Variants in NRDE2 observed in about 807,000 individuals in gnomAD.
The protein encoded by NRDE2 is NRDE-2, necessary for RNA interference, domain containing.
In NRDE2, 76 loss-of-function variants were observed where a neutral mutation model predicts 124.2. That is an observed-to-expected ratio of 0.61 (90% CI 0.51 to 0.74). The LOEUF (loss-of-function observed/expected upper bound fraction) is 0.74, where lower values mean the gene tolerates loss of function less well. NRDE2 is among the 30% of genes least tolerant of loss of function. NRDE2 has a pLI of 0.00. For missense variants in NRDE2, 1,314 were observed against 1,417.3 expected, an observed-to-expected ratio of 0.93 and a Z score of 1.17; for synonymous variants, 489 against 528.1, an observed-to-expected ratio of 0.93 and a Z score of 1.01.
In NRDE2 at chr14:90,292,891, T is replaced by C; in HGVS notation, c.1667-19A>G. On this transcript the variant is annotated intron_variant, in intron 8 of 13. Transcript: ENST00000354366. ...TCCTCATCTAGACAAGAATGAGACT[T>C]CTTCACCTCATCAGCAAATAAAACC... 1.2e-6 allele frequency: 2 copies of C among 1,602,228 alleles called. No homozygotes were observed. Among genetic ancestry groups the C allele is most frequent in the Non-Finnish European group, 1.7e-6 (2 of 1,170,542 alleles).
rs1326097151 is a variant in NRDE2, at chr14:90,302,818, T to C, written c.1313A>G (p.His438Arg). 1.2e-6 allele frequency: 2 copies of C among 1,614,080 alleles called. No individual in the cohort carries two copies. Among genetic ancestry groups the C allele is most frequent in the African/African-American group, 2.7e-5 (2 of 74,944 alleles). ...QFSTFSISKI[H>R]SLYGKCLSTL... Reference sequence around the variant, plus strand: ...GCTCAAGCATTTTCCATAAAGACTGTGAATTTTTGATATCGAAAAGGTACT... The same window carrying C: ...GCTCAAGCATTTTCCATAAAGACTGCGAATTTTTGATATCGAAAAGGTACT... The change falls in exon 6 of 14, where the codon CAC becomes CGC. Residue 438 changes from histidine (H) to arginine (R), a missense_variant. Physicochemically the swap from His to Arg is conservative, Grantham distance 29 (BLOSUM62 0). Transcript: ENST00000354366.
In NRDE2 at chr14:90,310,042, C is replaced by A. The variant is rs149597047; in HGVS notation, c.557+2352G>T. ...AATACTAACCCTTTATATTTGCACA[C>A]CAATTTCCAATTCCATATCAAATAT... On this transcript the variant is annotated intron_variant, in intron 4 of 13. Transcript: ENST00000354366. Among the ~76,000 whole-genome samples, 20 of 152,302 alleles carry A rather than the reference C, an allele frequency of 1.3e-4. No individual in the cohort carries two copies. The East Asian group carries it at 3.7e-3, about 28-fold the overall frequency.
Position 90,331,854 on chromosome 14 carries a change from C to T in NRDE2, c.51G>A (p.Gly17=). 1 of 1,614,134 alleles carries T rather than the reference C, an allele frequency of 6.2e-7. No individual in the cohort carries two copies. Among genetic ancestry groups the T allele is most frequent in the Non-Finnish European group, 8.5e-7 (1 of 1,180,038 alleles). ...TTGTGTGCTTACCTTTCCTGGAGCTCCCGCCATCGGGAGCCTCACTAAGCC... is the reference window on the plus strand; with the variant it reads ...TTGTGTGCTTACCTTTCCTGGAGCTTCCGCCATCGGGAGCCTCACTAAGCC... ...FAGLSEAPDG[G]SSRKELDWLS... is the part of the protein sequence containing the mutation. The change falls in exon 1 of 14, where the codon GGG becomes GGA. Residue 17 remains glycine (G), a synonymous_variant. Transcript: ENST00000354366.
intron 12 of NRDE2, among the ~76,000 whole-genome samples, chr14:90,285,061 T>G (rs773152131): frequency 3.3e-5 from 5 of 151,944 alleles, no homozygotes; most frequent in Admixed American, 3.3e-4. Context: ...GGCGGATCAC[T>G]TGAGGTCAGG....
Position 90,317,988 on chromosome 14 carries a change from TG to T in NRDE2, c.173+16del. The stretch of plus-strand genomic sequence containing the variant: ...AAACTGACAAAAACGAAAACACATC[TG>T]TCAAACAAAAACTACCTTGTCAGCG... On this transcript the variant is annotated intron_variant, in intron 2 of 13. Coordinates refer to ENST00000354366, the MANE Select transcript of NRDE2 (RefSeq NM_017970.4). 6.2e-7 allele frequency: 1 copy of T among 1,604,006 alleles called. No homozygotes were observed. Among genetic ancestry groups the T allele is most frequent in the Admixed American group, 1.7e-5 (1 of 59,048 alleles).
At position 90,269,379 on chromosome 14, in the gene NRDE2, CT is replaced by C. The variant is rs71117332; in HGVS notation, c.*8956del. On this transcript the variant is annotated 3_prime_UTR_variant, in exon 14 of 14. Transcript: ENST00000354366. Reference sequence around the variant, plus strand: ...GATCAGTTGAGTCTTCATTCCTTCCCTTTTTTTTTTTCCAAAGATATGACTC... The same window carrying C: ...GATCAGTTGAGTCTTCATTCCTTCCCTTTTTTTTTTCCAAAGATATGACTC... 4,429 of 1,390,862 alleles carry C rather than the reference CT, an allele frequency of 3.2e-3. No individual in the cohort carries two copies. Among genetic ancestry groups the C allele is most frequent in the Admixed American group, 5.8e-3 (293 of 50,340 alleles). The allele number at this position is 1,390,862 out of a possible 1,614,324, so 86.2% of individuals were successfully genotyped here.
At chr14:90,278,869 G>C in intron 13 of NRDE2, 193 bp downstream of exon 13, 1 of 645,104 alleles carries the variant, frequency 1.6e-6, no homozygotes, top group Non-Finnish European at 2.8e-6. Context: ...CCAGCCCCAG[G>C]TAGGGCCAGG....
intron 8 of NRDE2, among the ~76,000 whole-genome samples, chr14:90,294,611 T>C (rs1468980355): frequency 6.6e-6 from 1 of 152,110 alleles, no homozygotes; most frequent in African/African-American, 2.4e-5. Flanking sequence ...TGATTCCACA[T>C]CCACCAGGTT....
intron 6 of NRDE2, chr14:90,301,794 TCAG>T (rs1566691774): frequency 2.2e-6 from 1 of 456,252 alleles, no homozygotes; most frequent in South Asian, 1.5e-5. Context: ...CATCCTATGT[TCAG>T]AGTCGGCTGT....
In NRDE2 at chr14:90,329,637, G is replaced by A. The variant is rs60854281; in HGVS notation, c.64+2204C>T. Among the ~76,000 whole-genome samples, 1,183 of 151,816 alleles carry A rather than the reference G, an allele frequency of 7.8e-3. 12 individuals are homozygous for A. Among genetic ancestry groups the A allele is most frequent in the African/African-American group, 0.027 (1,108 of 41,388 alleles). ...GGATTATCTAAGCTCAGGAGTTCAAGACCAGCCTGGCCAACATGGTGAAAC... is the reference window on the plus strand; with the variant it reads ...GGATTATCTAAGCTCAGGAGTTCAAAACCAGCCTGGCCAACATGGTGAAAC... On this transcript the variant is annotated intron_variant, in intron 1 of 13. Coordinates refer to ENST00000354366, the MANE Select transcript of NRDE2 (RefSeq NM_017970.4).
Position 90,302,884 on chromosome 14 carries a change from G to T in NRDE2, c.1247C>A (p.Ala416Asp). ...KLIFLHPNNT[A>D]LWQKYLLFCQ... is the part of the protein sequence containing the mutation. ...AAATAAAAGGTATTTCTGCCAAAGG[G>T]CTGTATTATTGGGATGCAAAAATAT... The change falls in exon 6 of 14, where the codon GCC becomes GAC. Residue 416 changes from alanine (A) to aspartate (D), a missense_variant. Ala to Asp is a moderately radical substitution (Grantham distance 126, BLOSUM62 -2). Coordinates refer to ENST00000354366, the MANE Select transcript of NRDE2 (RefSeq NM_017970.4). 1 of 1,614,118 alleles carries T rather than the reference G, an allele frequency of 6.2e-7. No individual in the cohort carries two copies. Among genetic ancestry groups the T allele is most frequent in the East Asian group, 2.2e-5 (1 of 44,888 alleles).
intron 13 of NRDE2, 179 bp from the exon 14 acceptor site, chr14:90,278,640 C>G: frequency 1.5e-6 from 1 of 687,280 alleles, no homozygotes; most frequent in East Asian, 2.8e-5. Flanking sequence ...TCAGGAAGGA[C>G]ACTGAACTCG....
chr14:90,300,230 G>A (rs1884343502), intron 7 of NRDE2, among the ~76,000 whole-genome samples: 1 of 152,170 alleles, frequency 6.6e-6, no homozygotes, highest in African/African-American at 2.4e-5. Flanking sequence ...AATCACTTCT[G>A]TAGTACAGCC....
intron 1 of NRDE2, among the ~76,000 whole-genome samples, chr14:90,328,832 G>A (rs1885556854): frequency 6.6e-6 from 1 of 152,182 alleles, no homozygotes; most frequent in South Asian, 2.1e-4. Flanking sequence ...TCGATCACAT[G>A]GAATGAAGGA....
At chr14:90,297,836 G>A (rs1884233813) in intron 8 of NRDE2, among the ~76,000 whole-genome samples, 1 of 151,858 alleles carries the variant, frequency 6.6e-6, no homozygotes, top group African/African-American at 2.4e-5. Context: ...AGCTACTCAG[G>A]AGCCTGACGC....
intron 3 of NRDE2, among the ~76,000 whole-genome samples, chr14:90,313,119 ATTTTTTTTTTTT>A (rs1207268681): frequency 2.9e-5 from 3 of 102,264 alleles, no homozygotes; most frequent in African/African-American, 1.2e-4. Context: ...TCTCAGCCTC[ATTTTTTTTTTTT>A]TTTTTTTTTT....
intron 6 of NRDE2, chr14:90,301,909 G>A (rs1328233362): frequency 4.7e-6 from 2 of 421,280 alleles, no homozygotes; most frequent in Admixed American, 2.6e-5. Context: ...ATCACATACA[G>A]TGACAAATTC....
chr14:90,296,913 C>A (rs150582961), intron 8 of NRDE2, among the ~76,000 whole-genome samples: 2 of 151,798 alleles, frequency 1.3e-5, no homozygotes, highest in African/African-American at 4.8e-5. Context: ...TAGAGGTGGG[C>A]GGATTACTTG....
Position 90,270,404 on chromosome 14 carries a change from G to C in NRDE2, c.*7932C>G, listed in dbSNP as rs1891630614. 6.3e-7 allele frequency: 1 copy of C among 1,576,460 alleles called. No homozygotes were observed. The highest frequency in any genetic ancestry group is 8.6e-7 in the Non-Finnish European group (1 of 1,162,394). On this transcript the variant is annotated 3_prime_UTR_variant, in exon 14 of 14. Transcript: ENST00000354366. ...TTCTGGGAATGTGGCCGTCAATCAG[G>C]AAAGAGTCTATATGTGCTCTTGGGA...
Sources: gnomAD v4.1 joint callset for allele counts (sites outside exome capture counted in the v4.1 genomes callset) on GRCh38, gnomAD v4.1.1 for gene constraint, MANE v1.5 for transcripts, NCBI Gene and HGNC (gene_info 2026-07-23, HGNC 2026-07-21) for gene names.